Variants in OSTC observed in about 807,000 individuals in gnomAD.
OSTC encodes the protein oligosaccharyltransferase complex non-catalytic subunit, also known as oligosaccharyltransferase complex subunit OSTC.
A neutral mutation model predicts 16.4 loss-of-function variants in OSTC; 16 were observed. The ratio of observed to expected loss-of-function variants is 0.98; its 90% CI spans 0.66 to 1.49. The LOEUF (loss-of-function observed/expected upper bound fraction) is 1.49. Ranked by LOEUF, OSTC falls within the 40% of genes most tolerant of loss-of-function variation. The probability of loss-of-function intolerance (pLI) is 0.00; values close to 1 mark genes in which losing one functional copy is unlikely to be tolerated. For synonymous variants in OSTC, 67 were observed against 68.5 expected, an observed-to-expected ratio of 0.98 and a Z score of 0.11; for missense variants, 139 against 186.3, an observed-to-expected ratio of 0.75 and a Z score of 1.48.
intron 3 of OSTC, among the ~76,000 whole-genome samples, chr4:108,660,630 A>G (rs1364891404): frequency 1.3e-5 from 2 of 152,204 alleles, no homozygotes; most frequent in African/African-American, 4.8e-5. Flanking sequence ...AAAAAACACC[A>G]ATAGCCACTG....
intron 3 of OSTC, among the ~76,000 whole-genome samples, chr4:108,659,661 C>T (rs998391340): frequency 2.6e-5 from 4 of 151,810 alleles, no homozygotes; most frequent in African/African-American, 4.8e-5. Flanking sequence ...CCCAGCTACT[C>T]GGGAGGCTGA....
At chr4:108,666,865 T>C (rs1727020879) in intron 3 of OSTC, among the ~76,000 whole-genome samples, 1 of 147,334 alleles carries the variant, frequency 6.8e-6, no homozygotes. Flanking sequence ...GTTAGCCAGG[T>C]GTGGTGGCAC....
rs1323675252 is a variant in OSTC at position 108,667,581 on chromosome 4, T to G, written c.*316T>G. 1 of 221,910 alleles carries G rather than the reference T, an allele frequency of 4.5e-6. No individual in the cohort carries two copies. Among genetic ancestry groups the G allele is most frequent in the East Asian group, 9.2e-5 (1 of 10,850 alleles). The allele number at this position is 221,910 out of a possible 1,614,324, so 13.7% of individuals were successfully genotyped here. On this transcript the variant is annotated 3_prime_UTR_variant, in exon 4 of 4. Coordinates refer to ENST00000361564, the MANE Select transcript of OSTC (RefSeq NM_021227.4). ...ACTATAATATCAAATAAAGTGATTA[T>G]TTTTTACAACCCTCTTAACATTTTT...
intron 1 of OSTC, among the ~76,000 whole-genome samples, chr4:108,653,477 G>A (rs934951614): frequency 6.6e-6 from 1 of 152,144 alleles, no homozygotes; most frequent in Non-Finnish European, 1.5e-5. Flanking sequence ...GACTATACAA[G>A]GTTTATGGTA....
rs748553856 is a variant in OSTC at position 108,657,498 on chromosome 4, T to C, written c.282T>C (p.Phe94=). The part of the protein sequence containing the change: ...IMEGLASSFL[F]TMGGLGFIIL... ...AAGGACTTGCATCCAGCTTCCTATT[T>C]ACAATGGGAGGTTTAGGTTTCATAA... Residue 94 remains phenylalanine, a synonymous_variant, in exon 3 of 4, where the codon TTT becomes TTC. Transcript: ENST00000361564. 6.2e-7 allele frequency: 1 copy of C among 1,613,704 alleles called. No individual in the cohort carries two copies. The highest frequency in any genetic ancestry group is 1.1e-5 in the South Asian group (1 of 91,070).
chr4:108,662,399 CATATTT>C (rs1461585620), intron 3 of OSTC, among the ~76,000 whole-genome samples: 2 of 152,198 alleles, frequency 1.3e-5, no homozygotes, highest in Admixed American at 1.3e-4. Context: ...CGTTAACACT[CATATTT>C]GTATGTAGCA....
intron 3 of OSTC, among the ~76,000 whole-genome samples, chr4:108,667,013 A>G (rs1727026290): frequency 6.6e-6 from 1 of 152,190 alleles, no homozygotes; most frequent in East Asian, 1.9e-4. Context: ...CTCAAAAAAA[A>G]AAAGGAAAAA....
intron 3 of OSTC, 127 bp downstream of exon 3, chr4:108,657,774 T>C: frequency 2.4e-6 from 2 of 816,858 alleles, no homozygotes. Context: ...AAACCAAATA[T>C]ATTTGTAACT....
chr4:108,662,368 C>T (rs1296727123), intron 3 of OSTC, among the ~76,000 whole-genome samples: 2 of 152,160 alleles, frequency 1.3e-5, no homozygotes, highest in Admixed American at 6.5e-5. Context: ...CTTTCTAAAG[C>T]GTTTGTTGTG....
At chr4:108,655,468 A>AAAAC (rs1726676202) in intron 1 of OSTC, 96 bp from the exon 2 acceptor site, 1 of 860,954 alleles carries the variant, frequency 1.2e-6, no homozygotes, top group African/African-American at 1.8e-5. Flanking sequence ...CTCTGTCTCA[A>AAAAC]AAAAAGTAAA....
intron 3 of OSTC, among the ~76,000 whole-genome samples, chr4:108,658,530 T>C (rs557245051): frequency 6.6e-6 from 1 of 152,226 alleles, no homozygotes; most frequent in Admixed American, 6.5e-5. Context: ...TAAGATCGTT[T>C]ATGGCATCTT....
chr4:108,665,562 CTTT>C (rs56227378), intron 3 of OSTC, among the ~76,000 whole-genome samples: 7 of 134,300 alleles, frequency 5.2e-5, no homozygotes, highest in Non-Finnish European at 7.8e-5. Flanking sequence ...TTTGTTTTTT[CTTT>C]TTTTTTTTTT....
intron 3 of OSTC, among the ~76,000 whole-genome samples, chr4:108,665,090 G>A (rs1194202542): frequency 6.6e-6 from 1 of 152,140 alleles, no homozygotes; most frequent in African/African-American, 2.4e-5. Context: ...ATCATACAGG[G>A]AGTCAAGTGA....
Position 108,655,553 on chromosome 4 carries a change from C to G in OSTC, c.140-11C>G, listed in dbSNP as rs1726678960. On this transcript the variant is annotated splice_polypyrimidine_tract_variant and intron_variant, in intron 1 of 3. Coordinates refer to ENST00000361564, the MANE Select transcript of OSTC (RefSeq NM_021227.4). ...AATACAATCTAATCTGTTCTGTTGTCTTTCTTATAGGAATAATTTATGATG... is the reference window on the plus strand; with the variant it reads ...AATACAATCTAATCTGTTCTGTTGTGTTTCTTATAGGAATAATTTATGATG... 6.6e-7 allele frequency: 1 copy of G among 1,514,858 alleles called. No homozygotes were observed. The highest frequency in any genetic ancestry group is 1.7e-5 in the Admixed American group (1 of 58,840). 93.8% of individuals were successfully genotyped at this position (1,514,858 alleles called of 1,614,324 possible).
chr4:108,657,753 G>GA, intron 3 of OSTC, 106 bp downstream of exon 3: 2 of 983,852 alleles, frequency 2.0e-6, no homozygotes, highest in Non-Finnish European at 2.9e-6. Context: ...TTACATGGGT[G>GA]AAAAATCCAG....
intron 1 of OSTC, among the ~76,000 whole-genome samples, chr4:108,651,870 C>G (rs948169581): frequency 4.6e-5 from 7 of 152,088 alleles, no homozygotes; most frequent in Non-Finnish European, 7.4e-5. Context: ...GAGCTGAGTT[C>G]TAGAAAGCAC....
rs976435645 is a variant in OSTC at position 108,650,862 on chromosome 4, G to C, written c.139+68G>C. The C allele has an allele frequency of 1.9e-6, 3 of 1,606,508 alleles. No individual in the cohort carries two copies. In the African/African-American group the frequency reaches 4.0e-5, roughly 21 times the overall value. The stretch of plus-strand genomic sequence containing the variant: ...CTGACCCGCCCCGGGAGGCGCGTCT[G>C]TTCCGCTGACTCTCAGCCCCGGGGG... On this transcript the variant is annotated intron_variant, in intron 1 of 3. Transcript: ENST00000361564.
At chr4:108,652,708 A>G (rs1726588240) in intron 1 of OSTC, among the ~76,000 whole-genome samples, 1 of 152,172 alleles carries the variant, frequency 6.6e-6, no homozygotes, top group Non-Finnish European at 1.5e-5. Context: ...GATGAGACAT[A>G]TTAAATGTCA....
intron 3 of OSTC, among the ~76,000 whole-genome samples, chr4:108,663,046 T>C (rs1726897698): frequency 6.6e-6 from 1 of 152,144 alleles, no homozygotes; most frequent in Non-Finnish European, 1.5e-5. Flanking sequence ...TAATGTACCT[T>C]GGGGAGTTAC....
Sources: allele counts gnomAD v4.1 joint callset (sites outside exome capture counted in the v4.1 genomes callset), GRCh38; gene constraint gnomAD v4.1.1; transcripts MANE v1.5; gene names NCBI Gene and HGNC (gene_info 2026-07-23, HGNC 2026-07-21).